LAMA1: variants seen among roughly 807,000 people sequenced by gnomAD.
LAMA1 encodes the protein laminin subunit alpha 1, also known as laminin subunit alpha-1.
In LAMA1, 219 loss-of-function variants were observed where a neutral mutation model predicts 348.7. The ratio of observed to expected loss-of-function variants is 0.63; its 90% CI spans 0.56 to 0.70. LAMA1 has a LOEUF of 0.70. Among genes scored for constraint, LAMA1 ranks in the 30% least tolerant of loss-of-function variants. LAMA1 has a pLI of 0.00. For synonymous variants in LAMA1, 1,487 were observed against 1,491.0 expected (o/e 1.00, Z 0.06); for missense variants, 3,744 against 3,888.0 (o/e 0.96, Z 0.99).
intron 3 of LAMA1, among the ~76,000 whole-genome samples, chr18:7,053,631 A>C (rs2058070415): frequency 1.3e-5 from 2 of 152,190 alleles, no homozygotes; most frequent in Non-Finnish European, 2.9e-5. Context: ...TTTGGAAGGG[A>C]CCCTGGTAGA....
chr18:7,093,838 G>A (rs1294064572), intron 1 of LAMA1, among the ~76,000 whole-genome samples: 1 of 144,784 alleles, frequency 6.9e-6, no homozygotes, highest in African/African-American at 2.6e-5. Flanking sequence ...GCAGTGTCAC[G>A]ATATCGGCTC....
chr18:7,032,556 T>C (rs1252194525), intron 15 of LAMA1, among the ~76,000 whole-genome samples: 1 of 152,214 alleles, frequency 6.6e-6, no homozygotes, highest in Non-Finnish European at 1.5e-5. Context: ...TTTTCATATA[T>C]TTCACATGTA....
chr18:6,979,638 G>T (rs930484798), intron 42 of LAMA1, among the ~76,000 whole-genome samples: 1 of 152,230 alleles, frequency 6.6e-6, no homozygotes, highest in South Asian at 2.1e-4. Flanking sequence ...GGTGGCTCAC[G>T]CCTGTAATCC....
intron 32 of LAMA1, among the ~76,000 whole-genome samples, chr18:6,998,731 G>C (rs953788906): frequency 6.6e-6 from 1 of 152,142 alleles, no homozygotes; most frequent in African/African-American, 2.4e-5. Flanking sequence ...TGGAAAAAAA[G>C]TTTACAAAAG....
intron 28 of LAMA1, among the ~76,000 whole-genome samples, chr18:7,007,523 T>G (rs1229603259): frequency 1.3e-5 from 2 of 150,116 alleles, no homozygotes; most frequent in East Asian, 3.9e-4. Context: ...CCTTGTATAC[T>G]GCTGGTGAGA....
rs2058092439 is a variant in LAMA1 at position 7,058,898 on chromosome 18, T to C, written c.346-7962A>G. Among the ~76,000 whole-genome samples, 4 of 152,208 alleles carry C rather than the reference T, an allele frequency of 2.6e-5. No homozygotes were observed. In the South Asian group the frequency reaches 8.3e-4, roughly 32 times the overall value. The stretch of plus-strand genomic sequence containing the variant: ...TGTCTGTTAGTATGTAGATTTTTTT[T>C]TTCTTTTTGAGACAAAGTTTCTCTC... On this transcript the variant is annotated intron_variant, in intron 3 of 62. Coordinates refer to ENST00000389658, the MANE Select transcript of LAMA1 (RefSeq NM_005559.4).
chr18:6,962,796 A>G (rs530054990), intron 51 of LAMA1, among the ~76,000 whole-genome samples: 1 of 152,356 alleles, frequency 6.6e-6, no homozygotes, highest in African/African-American at 2.4e-5. Context: ...TTTACGTTGC[A>G]TATCCATGAA....
intron 58 of LAMA1, among the ~76,000 whole-genome samples, chr18:6,949,467 G>C (rs938638988): frequency 1.3e-5 from 2 of 152,160 alleles, no homozygotes; most frequent in African/African-American, 4.8e-5. Context: ...AACTGCCTTT[G>C]CAAAAACTGT....
intron 55 of LAMA1, among the ~76,000 whole-genome samples, chr18:6,958,064 C>T (rs1453187298): frequency 1.3e-5 from 2 of 152,134 alleles, no homozygotes; most frequent in Admixed American, 6.5e-5. Flanking sequence ...CTTAATTATA[C>T]AGTAATTGTT....
At chr18:7,000,105 G>A (rs898428532) in intron 30 of LAMA1, 108 bp from the exon 31 acceptor site, 1 of 816,232 alleles carries the variant, frequency 1.2e-6, no homozygotes, top group African/African-American at 1.7e-5. Context: ...TCAAAGTTAT[G>A]TGATTACACA....
intron 51 of LAMA1, 95 bp from the exon 52 acceptor site, chr18:6,962,154 G>A: frequency 1.2e-6 from 1 of 826,402 alleles, no homozygotes; most frequent in Non-Finnish European, 2.1e-6. Context: ...AGGCACAGTG[G>A]CTTATGCCTG....
chr18:6,983,021 G>C, intron 40 of LAMA1, 78 bp downstream of exon 40: 1 of 1,556,520 alleles, frequency 6.4e-7, no homozygotes, highest in Non-Finnish European at 8.9e-7. Flanking sequence ...AGAAATTGGG[G>C]CCACTGAATC....
intron 44 of LAMA1, among the ~76,000 whole-genome samples, chr18:6,976,597 T>C (rs868136662): frequency 0.012 from 1,433 of 119,202 alleles, 14 homozygotes; most frequent in Middle Eastern, 0.032. Context: ...TATATTTATT[T>C]ATTTATTTAT....
chr18:6,952,069 T>A (rs1408680404), intron 57 of LAMA1, among the ~76,000 whole-genome samples: 1 of 151,746 alleles, frequency 6.6e-6, no homozygotes, highest in Non-Finnish European at 1.5e-5. Context: ...GAGTTCTAAG[T>A]GGAGGCCAGA....
At chr18:7,089,751 T>C (rs1183279998) in intron 1 of LAMA1, among the ~76,000 whole-genome samples, 1 of 152,214 alleles carries the variant, frequency 6.6e-6, no homozygotes, top group Non-Finnish European at 1.5e-5. Context: ...TTCAGGGACA[T>C]GTTCTCCGTG....
intron 19 of LAMA1, among the ~76,000 whole-genome samples, chr18:7,018,381 C>A (rs1600396956): frequency 2.9e-5 from 4 of 136,286 alleles, no homozygotes; most frequent in African/African-American, 5.5e-5. Context: ...TGTTGCCTGA[C>A]AAAATATTCC....
At position 7,044,733 on chromosome 18, in the gene LAMA1, T is replaced by C. The variant is rs1020156993; in HGVS notation, c.965A>G (p.Asn322Ser). The change falls in exon 7 of 63, where the codon AAT (asparagine) becomes AGT (serine). Residue 322 changes from asparagine (N) to serine (S), a missense_variant. Physicochemically the swap from Asn to Ser is conservative, Grantham distance 46. Transcript: ENST00000389658. Reference protein sequence around the residue: ...PWRPGTVSSGNTCEACNCHNK... With the variant: ...PWRPGTVSSGSTCEACNCHNK... ...CTAAGTATACTGACCTTCACATGTA[T>C]TGCCGGAGGACACGGTTCCCGGCCT... 6.2e-7 allele frequency: 1 copy of C among 1,613,674 alleles called. No individual in the cohort carries two copies.
chr18:7,093,009 G>A (rs996184410), intron 1 of LAMA1, among the ~76,000 whole-genome samples: 2 of 152,152 alleles, frequency 1.3e-5, no homozygotes, highest in African/African-American at 2.4e-5. Context: ...TAAAAAGGAC[G>A]CAAGCAACAT....
At chr18:7,084,600 T>A (rs2058207504) in intron 1 of LAMA1, among the ~76,000 whole-genome samples, 1 of 152,224 alleles carries the variant, frequency 6.6e-6, no homozygotes, top group South Asian at 2.1e-4. Context: ...AGCTAAAAAA[T>A]TTATAAAGCC....
Sources: allele counts gnomAD v4.1 joint callset (sites outside exome capture counted in the v4.1 genomes callset), GRCh38; gene constraint gnomAD v4.1.1; transcripts MANE v1.5; gene names NCBI Gene and HGNC (gene_info 2026-07-23, HGNC 2026-07-21).